Variants in HSD17B2 observed in about 807,000 individuals in gnomAD.
The protein encoded by HSD17B2 is 17-beta-hydroxysteroid dehydrogenase type 2.
Under a neutral mutation model 26.9 loss-of-function variants are expected in HSD17B2, and 32 were observed. The observed-to-expected ratio is 1.19, with a 90% CI of 0.90 to 1.60. HSD17B2 has a LOEUF of 1.60. Among genes scored for constraint, HSD17B2 ranks in the 40% most tolerant of loss-of-function variants. The pLI is 0.00. For synonymous variants in HSD17B2, 246 were observed against 186.7 expected (o/e 1.32, Z -2.59); for missense variants, 613 against 468.6 (o/e 1.31, Z -2.85).
chr16:82,037,430 C>G (rs1913652576), intron 1 of HSD17B2, among the ~76,000 whole-genome samples: 1 of 152,094 alleles, frequency 6.6e-6, no homozygotes. Context: ...TTGGAATAAC[C>G]TTTGTTCCAG....
intron 1 of HSD17B2, among the ~76,000 whole-genome samples, chr16:82,037,795 G>A (rs1165885869): frequency 1.3e-5 from 2 of 152,156 alleles, no homozygotes; most frequent in African/African-American, 4.8e-5. Context: ...AAAACACACA[G>A]GAAATCCCAG....
chr16:82,044,180 T>G (rs567274714), intron 1 of HSD17B2, among the ~76,000 whole-genome samples: 9 of 152,350 alleles, frequency 5.9e-5, no homozygotes, highest in Non-Finnish European at 1.3e-4. Flanking sequence ...CATCTTGGTA[T>G]GAGCAACACA....
chr16:82,036,541 AC>A (rs1913631517), intron 1 of HSD17B2, among the ~76,000 whole-genome samples: 1 of 151,778 alleles, frequency 6.6e-6, no homozygotes, highest in East Asian at 1.9e-4. Flanking sequence ...GGAGATCATC[AC>A]CCCTCTGACC....
chr16:82,082,237 C>T (rs932932024), intron 3 of HSD17B2, among the ~76,000 whole-genome samples: 5 of 152,054 alleles, frequency 3.3e-5, no homozygotes, highest in African/African-American at 1.2e-4. Flanking sequence ...ATTTCCACAC[C>T]TTCTCCTGAC....
At chr16:82,065,342 CTG>C (rs1914545913) in intron 1 of HSD17B2, among the ~76,000 whole-genome samples, 1 of 152,174 alleles carries the variant, frequency 6.6e-6, no homozygotes, top group African/African-American at 2.4e-5. Context: ...CCCTGATTGA[CTG>C]TTTATGTGCT....
chr16:82,035,280 T>C lies in HSD17B2; in HGVS notation c.-145T>C. 1 of 664,284 alleles carries C rather than the reference T, an allele frequency of 1.5e-6. No homozygotes were observed. The highest frequency in any genetic ancestry group is 2.6e-6 in the Non-Finnish European group (1 of 391,404). The allele number at this position is 664,284 out of a possible 1,614,324, so 41.1% of individuals were successfully genotyped here. ...CCACTGGGAATATGATTATGCTTAA[T>C]CTATGCTCAGTTGAAAGGGGCTGGG... On this transcript the variant is annotated 5_prime_UTR_variant, in exon 1 of 5. Transcript: ENST00000199936.
intron 4 of HSD17B2, chr16:82,096,727 C>G (rs986000699): frequency 6.6e-6 from 1 of 152,028 alleles, no homozygotes; most frequent in Non-Finnish European, 1.5e-5. Flanking sequence ...TGAAAATAAG[C>G]GCAGTGCCCA....
At chr16:82,046,274 C>T (rs1029661215) in intron 1 of HSD17B2, among the ~76,000 whole-genome samples, 1 of 152,102 alleles carries the variant, frequency 6.6e-6, no homozygotes, top group East Asian at 1.9e-4. Context: ...AAGATGATCT[C>T]GGTGCCACAA....
chr16:82,051,534 G>A (rs1432874085), intron 1 of HSD17B2, among the ~76,000 whole-genome samples: 1 of 151,974 alleles, frequency 6.6e-6, no homozygotes, highest in East Asian at 1.9e-4. Context: ...TAGGGACACA[G>A]AGAGAGTAAC....
chr16:82,049,739 T>C lies in HSD17B2; in HGVS notation c.265+14050T>C, dbSNP rs181317135. Among the ~76,000 whole-genome samples the C allele has an allele frequency of 3.4e-3, 520 of 152,356 alleles. 4 individuals are homozygous for C. Among genetic ancestry groups the C allele is most frequent in the Non-Finnish European group, 3.8e-3 (257 of 68,028 alleles). On this transcript the variant is annotated intron_variant, in intron 1 of 4. Transcript: ENST00000199936. ...AACACCCAAGACTACAAGCAGTTCATTGTTTTTACAGATAGACTTCAGCCA... is the reference window on the plus strand; with the variant it reads ...AACACCCAAGACTACAAGCAGTTCACTGTTTTTACAGATAGACTTCAGCCA...
intron 3 of HSD17B2, among the ~76,000 whole-genome samples, chr16:82,085,787 C>T (rs2142362866): frequency 6.6e-6 from 1 of 152,182 alleles, no homozygotes; most frequent in Admixed American, 6.5e-5. Flanking sequence ...GTTGGCGGTA[C>T]TAATCCCCGG....
intron 4 of HSD17B2, chr16:82,091,353 C>T: frequency 2.8e-6 from 1 of 363,444 alleles, no homozygotes; most frequent in Non-Finnish European, 5.2e-6. Context: ...GCAGAGGGGC[C>T]AGCTGTGTCT....
intron 1 of HSD17B2, among the ~76,000 whole-genome samples, chr16:82,038,141 T>A (rs1234598759): frequency 6.6e-6 from 1 of 152,136 alleles, no homozygotes; most frequent in Non-Finnish European, 1.5e-5. Flanking sequence ...AAGACAAATT[T>A]AAAAAAATGA....
At chr16:82,058,198 G>A (rs931761698) in intron 1 of HSD17B2, among the ~76,000 whole-genome samples, 1 of 151,634 alleles carries the variant, frequency 6.6e-6, no homozygotes, top group African/African-American at 2.4e-5. Context: ...AGCCTCCTGA[G>A]TAGCTGGGGC....
intron 4 of HSD17B2, chr16:82,091,297 A>T (rs1334589721): frequency 2.0e-6 from 1 of 494,448 alleles, no homozygotes; most frequent in East Asian, 4.0e-5. Context: ...AGCATGGCTC[A>T]GTAAGTCAGA....
rs8191166 is a variant in HSD17B2, at chr16:82,070,474, A to G, written c.479-468A>G. ...CTCATCTTCACAGCATTCACATTCT[A>G]CAGTGCCATCCATCTCCTAAAAACC... On this transcript the variant is annotated intron_variant, in intron 2 of 4. Coordinates refer to ENST00000199936, the MANE Select transcript of HSD17B2 (RefSeq NM_002153.3). Among the ~76,000 whole-genome samples, 4 of 152,286 alleles carry G rather than the reference A, an allele frequency of 2.6e-5. No individual in the cohort carries two copies. In the East Asian group the frequency reaches 7.7e-4, roughly 29 times the overall value.
chr16:82,075,899 A>T (rs1242120083), intron 3 of HSD17B2, among the ~76,000 whole-genome samples: 1 of 123,370 alleles, frequency 8.1e-6, no homozygotes, highest in Non-Finnish European at 1.7e-5. Flanking sequence ...AAAACCAGAA[A>T]ATACATGTTA....
chr16:82,093,775 C>G (rs1904760753), intron 4 of HSD17B2: 1 of 152,174 alleles, frequency 6.6e-6, no homozygotes, highest in African/African-American at 2.4e-5. Context: ...GGCAGAGCAG[C>G]AGCATGGACT....
intron 3 of HSD17B2, among the ~76,000 whole-genome samples, chr16:82,088,627 G>A (rs1427637283): frequency 6.6e-6 from 1 of 152,220 alleles, no homozygotes; most frequent in African/African-American, 2.4e-5. Flanking sequence ...AGCCCATGCT[G>A]TGATTTTGAA....
Sources: gnomAD v4.1 joint callset for allele counts (sites outside exome capture counted in the v4.1 genomes callset) on GRCh38, gnomAD v4.1.1 for gene constraint, MANE v1.5 for transcripts, NCBI Gene and HGNC (gene_info 2026-07-23, HGNC 2026-07-21) for gene names.